The following MPDZ variants were observed in gnomAD, a reference collection of about 807,000 sequenced individuals.
MPDZ encodes the protein multiple PDZ domain protein.
MPDZ carries 234 observed loss-of-function variants against 239.1 expected under a neutral mutation model. The ratio of observed to expected loss-of-function variants is 0.98; its 90% confidence interval spans 0.88 to 1.09. The LOEUF (loss-of-function observed/expected upper bound fraction) is 1.09. MPDZ is among the 50% of genes least tolerant of loss of function. The pLI, the probability that MPDZ is intolerant of heterozygous loss-of-function variation, is 0.00. For missense variants in MPDZ, 3,175 were observed against 2,510.0 expected (o/e 1.26, Z -5.66); for synonymous variants, 1,048 against 881.3 (o/e 1.19, Z -3.35).
In MPDZ at chr9:13,223,430, A is replaced by G. The variant is rs1959442176; in HGVS notation, c.533+141T>C. 6.7e-6 allele frequency: 6 copies of G among 900,734 alleles called. No individual in the cohort carries two copies. In the East Asian group the frequency reaches 1.5e-4, roughly 23 times the overall value. 55.8% of individuals were successfully genotyped at this position (900,734 alleles called of 1,614,324 possible). A position where few individuals can be genotyped will look rare whatever the true frequency, so the allele number is the denominator to read the frequency against. On this transcript the variant is annotated intron_variant, in intron 5 of 46. Coordinates refer to ENST00000319217, the MANE Select transcript of MPDZ (RefSeq NM_001378778.1). Reference sequence around the variant, plus strand: ...CTGCTATTTTATCACAACAATGTTAATGACTTCTAAAAACTGGTTAATAAC... The same window carrying G: ...CTGCTATTTTATCACAACAATGTTAGTGACTTCTAAAAACTGGTTAATAAC...
rs183191408 is a variant in MPDZ, at chr9:13,230,002, A to T, written c.184-5419T>A. ...AAAACTCAAAATTCAATAGTAAAAA[A>T]AATCCAACTAGAAAATGGGCAGAAA... is the stretch of plus-strand genomic sequence containing the variant. On this transcript the variant is annotated intron_variant, in intron 3 of 46. Transcript: ENST00000319217. Among the ~76,000 whole-genome samples the T allele has an allele frequency of 7.9e-5, 12 of 152,296 alleles. No homozygotes were observed. In the East Asian group the frequency reaches 1.2e-3, roughly 15 times the overall value.
Position 13,106,919 on chromosome 9 carries a change from T to C in MPDZ, c.*46A>G, listed in dbSNP as rs113523318. 53 of 1,602,186 alleles carry C rather than the reference T, an allele frequency of 3.3e-5. 1 individual carries two copies. The African/African-American group carries it at 3.7e-4, about 11-fold the overall frequency. ...CAGGACCAGTGCATTCTCTTTACAG[T>C]AGGAGGTGAGCTAGGGGTTGGGTTG... On this transcript the variant is annotated 3_prime_UTR_variant, in exon 47 of 47. Transcript: ENST00000319217.
chr9:13,237,103 A>C (rs990034047), intron 3 of MPDZ, among the ~76,000 whole-genome samples: 5 of 152,138 alleles, frequency 3.3e-5, no homozygotes, highest in Non-Finnish European at 5.9e-5. Flanking sequence ...TAATTTTATT[A>C]AATCTTGACC....
Position 13,183,542 on chromosome 9 carries a change from T to G in MPDZ, c.2525A>C (p.Glu842Ala), listed in dbSNP as rs1378395732. The G allele has an allele frequency of 1.9e-6, 3 of 1,612,452 alleles. No individual in the cohort carries two copies. The highest frequency in any genetic ancestry group is 1.7e-5 in the Admixed American group (1 of 59,844). The change falls in exon 19 of 47, where the codon GAG becomes GCG. Residue 842 changes from glutamate to alanine, a missense_variant. Physicochemically the swap from Glu to Ala is moderately radical, Grantham distance 107. Transcript: ENST00000319217. The part of the protein sequence containing the change: ...DADLVDESTF[E>A]SPYSPENDSI... ...GTCATTTTCAGGAGAGTATGGAGACTCAAATGTGGATTCATCTACTAAGTC... is the reference window on the plus strand; with the variant it reads ...GTCATTTTCAGGAGAGTATGGAGACGCAAATGTGGATTCATCTACTAAGTC...
intron 3 of MPDZ, among the ~76,000 whole-genome samples, chr9:13,240,682 G>A (rs1337651054): frequency 1.4e-5 from 2 of 140,620 alleles, no homozygotes; most frequent in South Asian, 5.0e-4. Context: ...GTCAGATTAT[G>A]TTATACAAGC....
intron 37 of MPDZ, 64 bp from the exon 38 acceptor site, chr9:13,121,996 G>A (rs1054549358): frequency 2.5e-6 from 4 of 1,595,392 alleles, no homozygotes; most frequent in Non-Finnish European, 3.4e-6. Context: ...AGGTGGGGAA[G>A]GGAAGAGAGA....
intron 23 of MPDZ, among the ~76,000 whole-genome samples, chr9:13,160,098 T>C (rs1269063614): frequency 3.9e-5 from 6 of 152,182 alleles, no homozygotes; most frequent in Non-Finnish European, 1.5e-5. Flanking sequence ...GAGATTTGGA[T>C]TGAGGCCATC....
intron 23 of MPDZ, among the ~76,000 whole-genome samples, chr9:13,158,624 GA>G (rs1434337594): frequency 6.6e-6 from 1 of 152,118 alleles, no homozygotes; most frequent in Non-Finnish European, 1.5e-5. Context: ...AAAATTAAGT[GA>G]AAGACTTTGG....
intron 3 of MPDZ, among the ~76,000 whole-genome samples, chr9:13,226,861 A>G (rs1045392498): frequency 8.5e-5 from 13 of 152,126 alleles, no homozygotes; most frequent in Non-Finnish European, 1.8e-4. Flanking sequence ...AAAAATGTTT[A>G]TCTATTTTTT....
chr9:13,255,411 AAAGTAGTGAATCCTTTCCAAAAGGT>A (rs1969200083), intron 1 of MPDZ, among the ~76,000 whole-genome samples: 1 of 152,188 alleles, frequency 6.6e-6, no homozygotes, highest in African/African-American at 2.4e-5. Context: ...AATGGCATTT[AAAGTAGTGAATCCTTTCCAAAAGGT>A]TTTCCATTTA....
chr9:13,106,949 A>C lies in MPDZ; in HGVS notation c.*16T>G, dbSNP rs762118567. 9 of 1,612,902 alleles carry C rather than the reference A, an allele frequency of 5.6e-6. No homozygotes were observed. The Admixed American group carries it at 1.3e-4, about 24-fold the overall frequency. On this transcript the variant is annotated 3_prime_UTR_variant, in exon 47 of 47. Transcript: ENST00000319217. ...GGTGAGCTAGGGGTTGGGTTGGTTC[A>C]ATTCTGGCAGCCAATTCAAGAGAGA...
At chr9:13,240,945 C>G (rs1417028360) in intron 3 of MPDZ, among the ~76,000 whole-genome samples, 2 of 152,006 alleles carry the variant, frequency 1.3e-5, no homozygotes, top group African/African-American at 4.8e-5. Context: ...ACAAAAATAC[C>G]ATACAATTAT....
Position 13,150,516 on chromosome 9 carries a change from C to T in MPDZ, c.3625G>A (p.Val1209Ile), listed in dbSNP as rs777942523. ...GAAAGCTCACTAGAGGGTACCTCTA[C>T]GATTCTATCTCCAGGTTTCAAGGTT... The part of the protein sequence containing the change: ...NGTLKPGDRI[V>I]EVDGMDLRDA... Residue 1209 changes from valine to isoleucine, a missense_variant, in exon 25 of 47, where the codon GTA (valine) becomes ATA (isoleucine). By Grantham distance (29) the Val-to-Ile change is conservative. Transcript: ENST00000319217. 2.4e-5 allele frequency: 37 copies of T among 1,557,638 alleles called. No individual in the cohort carries two copies. The highest frequency in any genetic ancestry group is 2.1e-4 in the East Asian group (9 of 42,094).
chr9:13,234,503 T>A (rs1242272258), intron 3 of MPDZ, among the ~76,000 whole-genome samples: 2 of 152,172 alleles, frequency 1.3e-5, no homozygotes, highest in Admixed American at 6.5e-5. Flanking sequence ...AAATCTGTTT[T>A]ATGATTCTGT....
At chr9:13,247,509 G>T in intron 3 of MPDZ, 126 bp downstream of exon 3, 3 of 962,728 alleles carry the variant, frequency 3.1e-6, no homozygotes, top group East Asian at 2.7e-5. Context: ...TGTCTCATTT[G>T]GAGGTTTAAA....
At chr9:13,251,070 G>C (rs547217574) in intron 1 of MPDZ, among the ~76,000 whole-genome samples, 1 of 147,548 alleles carries the variant, frequency 6.8e-6, no homozygotes, top group Non-Finnish European at 1.5e-5. Context: ...CGGTGGTTGC[G>C]GTGAGCCGAG....
At chr9:13,124,924 A>G (rs986827204) in intron 35 of MPDZ, among the ~76,000 whole-genome samples, 5 of 152,146 alleles carry the variant, frequency 3.3e-5, no homozygotes, top group Non-Finnish European at 7.3e-5. Flanking sequence ...ATTTTTGGAG[A>G]GCAAAGAATA....
intron 22 of MPDZ, 28 bp from the exon 23 acceptor site, chr9:13,162,823 G>C (rs1260246600): frequency 6.7e-7 from 1 of 1,485,074 alleles, no homozygotes; most frequent in Admixed American, 1.7e-5. Flanking sequence ...CCATGGAAGT[G>C]AAGGGAAATA....
intron 23 of MPDZ, 71 bp downstream of exon 23, chr9:13,162,620 C>A: frequency 1.0e-6 from 1 of 977,732 alleles, no homozygotes; most frequent in Non-Finnish European, 1.5e-6. Flanking sequence ...CTAGTCCTCC[C>A]TGACTCTGAA....
Sources: gnomAD v4.1 joint callset for allele counts (sites outside exome capture counted in the v4.1 genomes callset) on GRCh38, gnomAD v4.1.1 for gene constraint, MANE v1.5 for transcripts, NCBI Gene and HGNC (gene_info 2026-07-23, HGNC 2026-07-21) for gene names.